The following ZC3H12B variants were observed in gnomAD, a reference collection of about 807,000 sequenced individuals.
ZC3H12B encodes zinc finger CCCH-type containing 12B.
A neutral mutation model predicts 43.9 loss-of-function variants in ZC3H12B; 7 were observed. That is an observed-to-expected ratio of 0.16 (90% confidence interval 0.09 to 0.30). The LOEUF (loss-of-function observed/expected upper bound fraction) is 0.30. Ranked by LOEUF, ZC3H12B falls within the 10% of genes least tolerant of loss-of-function variation. The pLI is 1.00. For missense variants in ZC3H12B, 475 were observed against 670.2 expected (o/e 0.71, Z 3.22); for synonymous variants, 222 against 241.7 (o/e 0.92, Z 0.76).
rs1470507889 is a variant in ZC3H12B at position 65,380,719 on chromosome X, C to T, written n.295+11721C>T. 9.9e-5 allele frequency among the ~76,000 whole-genome samples: 11 copies of T among 111,629 alleles called. No homozygotes were observed. In the South Asian group the frequency reaches 1.1e-3, roughly 11 times the overall value. On this transcript the variant is annotated intron_variant and non_coding_transcript_variant, in intron 2 of 5. Coordinates refer to the ZC3H12B transcript ENST00000617377. ...TGCTGTATTCAGGAAACCCATCTCA[C>T]GGGCAGAGACACACATAGGCTCAAA...
the ZC3H12B span, among the ~76,000 whole-genome samples, chrX:65,190,554 G>A: frequency 9.5e-6 from 1 of 105,812 alleles, no homozygotes; most frequent in Non-Finnish European, 1.9e-5. Flanking sequence ...TATTCTCTTT[G>A]AAGCAATTGT....
chrX:65,214,432 G>A, the ZC3H12B span, among the ~76,000 whole-genome samples: 1 of 111,489 alleles, frequency 9.0e-6, no homozygotes, highest in Admixed American at 9.6e-5. Context: ...TTCTAAATAT[G>A]TTGTGTCATT....
At chrX:65,148,004 G>C in the ZC3H12B span, among the ~76,000 whole-genome samples, 1 of 110,878 alleles carries the variant, frequency 9.0e-6, no homozygotes, top group Non-Finnish European at 1.9e-5. Flanking sequence ...CCTGGAACCT[G>C]GGTCTCTGGA....
intron 2 of ZC3H12B, among the ~76,000 whole-genome samples, chrX:65,384,481 G>T (rs2066493046): frequency 9.0e-6 from 1 of 110,678 alleles, no homozygotes; most frequent in Admixed American, 9.7e-5. Context: ...TCTGCATATT[G>T]TGCACATGTA....
the ZC3H12B span, among the ~76,000 whole-genome samples, chrX:65,210,948 A>T: frequency 1.8e-5 from 1 of 55,123 alleles, no homozygotes; most frequent in East Asian, 5.5e-4. Flanking sequence ...GAGGGATAGC[A>T]TTGGGAGATA....
At chrX:65,264,011 C>T in the ZC3H12B span, among the ~76,000 whole-genome samples, 1 of 111,074 alleles carries the variant, frequency 9.0e-6, no homozygotes, top group African/African-American at 3.3e-5. Context: ...GTATTTTGCA[C>T]AACTTGAAGG....
the ZC3H12B span, among the ~76,000 whole-genome samples, chrX:65,164,592 A>G: frequency 8.9e-6 from 1 of 111,911 alleles, no homozygotes; most frequent in African/African-American, 3.2e-5. Flanking sequence ...AAAGTTGAAC[A>G]AATTAAATGC....
the ZC3H12B span, among the ~76,000 whole-genome samples, chrX:65,285,350 C>T: frequency 2.3e-4 from 25 of 110,510 alleles, no homozygotes; most frequent in East Asian, 6.5e-3. Context: ...CATTCAGATA[C>T]GGGAGCCTCA....
the ZC3H12B span, among the ~76,000 whole-genome samples, chrX:65,227,694 A>G: frequency 1.8e-5 from 2 of 111,142 alleles, no homozygotes; most frequent in African/African-American, 3.3e-5. Flanking sequence ...AAAATGATAA[A>G]GGGGATATCA....
At chrX:65,504,193 T>C (rs976240081) in exon 5 of ZC3H12B, 5 of 112,240 alleles carry the variant, frequency 4.5e-5, no homozygotes, top group African/African-American at 1.6e-4. Flanking sequence ...TATGAATATA[T>C]ATATTTGGTT....
At chrX:65,333,766 ACAAGT>A in the ZC3H12B span, among the ~76,000 whole-genome samples, 5 of 111,997 alleles carry the variant, frequency 4.5e-5, no homozygotes, top group East Asian at 1.4e-3. Context: ...GAGGACCAAA[ACAAGT>A]CAATTGTCTG....
chrX:65,179,550 A>G, the ZC3H12B span, among the ~76,000 whole-genome samples: 3 of 111,047 alleles, frequency 2.7e-5, no homozygotes, highest in African/African-American at 9.8e-5. Flanking sequence ...GAATGAATCT[A>G]GGAGCTGGGT....
At chrX:65,467,419 G>A (rs2067839787) in intron 3 of ZC3H12B, among the ~76,000 whole-genome samples, 2 of 111,378 alleles carry the variant, frequency 1.8e-5, no homozygotes, top group African/African-American at 6.5e-5. Flanking sequence ...ACATACATGT[G>A]CAGGTATATT....
At chrX:65,200,873 C>G in the ZC3H12B span, among the ~76,000 whole-genome samples, 1 of 111,854 alleles carries the variant, frequency 8.9e-6, no homozygotes, top group African/African-American at 3.2e-5. Flanking sequence ...ACCAACCTTG[C>G]ATCAAGAGGA....
At chrX:65,149,073 G>A in the ZC3H12B span, among the ~76,000 whole-genome samples, 1 of 111,661 alleles carries the variant, frequency 9.0e-6, no homozygotes, top group African/African-American at 3.3e-5. Context: ...GACTTGTGAA[G>A]GAGAGACTAC....
At chrX:65,050,383 G>T in the ZC3H12B span, among the ~76,000 whole-genome samples, 4 of 110,119 alleles carry the variant, frequency 3.6e-5, no homozygotes, top group African/African-American at 1.3e-4. Context: ...TCTATTGGAT[G>T]TTTTCATTTT....
the ZC3H12B span, among the ~76,000 whole-genome samples, chrX:65,320,838 C>G: frequency 8.9e-6 from 1 of 111,957 alleles, no homozygotes; most frequent in Non-Finnish European, 1.9e-5. Context: ...GATAACTGGT[C>G]AGCCAAATGC....
At chrX:65,240,936 AC>A in the ZC3H12B span, among the ~76,000 whole-genome samples, 1 of 111,434 alleles carries the variant, frequency 9.0e-6, no homozygotes, top group Admixed American at 9.5e-5. Context: ...AGGAGCTCTG[AC>A]CCAGGGGAGG....
chrX:65,060,612 T>G, the ZC3H12B span, among the ~76,000 whole-genome samples: 1 of 112,036 alleles, frequency 8.9e-6, no homozygotes, highest in African/African-American at 3.2e-5. Flanking sequence ...TAGTATTTTG[T>G]TGAGGATTTT....
Sources: gnomAD v4.1 joint callset for allele counts (sites outside exome capture counted in the v4.1 genomes callset) on GRCh38, gnomAD v4.1.1 for gene constraint, MANE v1.5 for transcripts, NCBI Gene and HGNC (gene_info 2026-07-23, HGNC 2026-07-21) for gene names.